Variants in ADARB1 observed in about 807,000 individuals in gnomAD.
ADARB1 encodes the protein adenosine deaminase RNA specific B1.
Under a neutral mutation model 52.4 loss-of-function variants are expected in ADARB1, and 10 were observed. That is an observed-to-expected ratio of 0.19 (90% CI 0.12 to 0.32). The LOEUF is 0.32. ADARB1 is among the 10% of genes least tolerant of loss of function. ADARB1 has a pLI of 1.00. For synonymous variants in ADARB1, 349 were observed against 371.1 expected, an observed-to-expected ratio of 0.94 and a Z score of 0.68; for missense variants, 643 against 922.3, an observed-to-expected ratio of 0.70 and a Z score of 3.92.
intron 2 of ADARB1, among the ~76,000 whole-genome samples, chr21:45,147,348 G>A (rs2090058147): frequency 6.6e-6 from 1 of 152,082 alleles, no homozygotes; most frequent in South Asian, 2.1e-4. Context: ...TTTCCCTTTT[G>A]TGGTTTCTTG....
rs117028495 is a variant in ADARB1, at chr21:45,172,156, C to T, written c.28+472C>T. 7.2e-5 allele frequency among the ~76,000 whole-genome samples: 11 copies of T among 152,248 alleles called. No individual in the cohort carries two copies. The East Asian group carries it at 1.2e-3, about 16-fold the overall frequency. On this transcript the variant is annotated intron_variant, in intron 3 of 10. Transcript: ENST00000348831. The surrounding 1 kb of genome is among the most constrained non-coding windows in gnomAD (Gnocchi z 4.4). ...CACACGTGTCTGTTGATCTAAAGTT[C>T]GCAAAGGTGCTAATGAGAGCTGGGA...
chr21:45,097,219 C>T (rs571074055), intron 1 of ADARB1, among the ~76,000 whole-genome samples: 7 of 152,202 alleles, frequency 4.6e-5, no homozygotes, highest in Admixed American at 3.3e-4. Flanking sequence ...GTGAGATGGT[C>T]ACATACCTTC....
chr21:45,191,868 ATATATATATATATTTTTTT>A (rs1259977311), intron 8 of ADARB1, among the ~76,000 whole-genome samples: 3 of 76,206 alleles, frequency 3.9e-5, no homozygotes, highest in African/African-American at 1.4e-4. Flanking sequence ...ATATATATAT[ATATATATATATATTTTTTT>A]TTTTTTTTTT....
At chr21:45,194,198 C>A (rs1353124103) in intron 8 of ADARB1, among the ~76,000 whole-genome samples, 1 of 152,096 alleles carries the variant, frequency 6.6e-6, no homozygotes, top group Non-Finnish European at 1.5e-5. Context: ...TTCCCATATA[C>A]CCAGTGCCCT....
In ADARB1 at chr21:45,213,047, G is replaced by T. The variant is rs895587248; in HGVS notation, c.1748-7789G>T. Among the ~76,000 whole-genome samples the T allele has an allele frequency of 3.3e-5, 5 of 152,160 alleles. No homozygotes were observed. In the East Asian group the frequency reaches 9.6e-4, roughly 29 times the overall value. ...AAAACCTCTTCCTCATGGAGCTTTT[G>T]CTCTGATGAGGGCAGGGGGATGGTG... On this transcript the variant is annotated intron_variant, in intron 9 of 10. Coordinates refer to ENST00000348831, the MANE Select transcript of ADARB1 (RefSeq NM_001112.4).
intron 2 of ADARB1, among the ~76,000 whole-genome samples, chr21:45,160,963 A>G (rs2090931688): frequency 2.0e-5 from 3 of 152,266 alleles, no homozygotes. Flanking sequence ...GAGAGTATAA[A>G]TAGCCAGGGT....
At chr21:45,201,460 T>C (rs559041661) in intron 8 of ADARB1, among the ~76,000 whole-genome samples, 1 of 152,356 alleles carries the variant, frequency 6.6e-6, no homozygotes, top group South Asian at 2.1e-4. Flanking sequence ...TTAAAGATGC[T>C]GAGTCCATAG....
At chr21:45,085,518 A>G (rs2123653252) in intron 1 of ADARB1, among the ~76,000 whole-genome samples, 1 of 152,286 alleles carries the variant, frequency 6.6e-6, no homozygotes, top group Admixed American at 6.5e-5. Flanking sequence ...TCCATTCTCG[A>G]TATGAATGAA....
rs779992203 is a variant in ADARB1 at position 45,175,786 on chromosome 21, G to A, written c.85G>A (p.Asp29Asn). The A allele has an allele frequency of 6.2e-7, 1 of 1,614,188 alleles. No individual in the cohort carries two copies. Among genetic ancestry groups the A allele is most frequent in the Admixed American group, 1.7e-5 (1 of 60,024 alleles). ...CAATCTGGACAACGTGTCCCCCAAG[G>A]ATGGCAGCACACCTGGGCCTGGCGA... ...NRNLDNVSPK[D>N]GSTPGPGEGS... is the part of the protein sequence containing the mutation. Residue 29 changes from aspartate to asparagine, a missense_variant, in exon 4 of 11, where the codon GAT becomes AAT. Asp to Asn is a conservative substitution (Grantham distance 23). This residue lies in a region of ADARB1 where 380 missense variants were observed against 446.5 expected (regional missense o/e 0.85). Transcript: ENST00000348831.
In ADARB1 at chr21:45,204,304, A is replaced by G. The variant is rs916617974; in HGVS notation, c.1566-251A>G. On this transcript the variant is annotated intron_variant, in intron 8 of 10. Transcript: ENST00000348831. The surrounding 1 kb of genome is among the most constrained non-coding windows in gnomAD (Gnocchi z 4.4). ...CCCACAGATTTCTCACAAGAAACAT[A>G]TGTGGCTCATTGATTGTGGGAAAAC... Among the ~76,000 whole-genome samples the G allele has an allele frequency of 3.3e-5, 5 of 152,226 alleles. No homozygotes were observed. Among genetic ancestry groups the G allele is most frequent in the Non-Finnish European group, 5.9e-5 (4 of 68,042 alleles).
chr21:45,180,304 A>C (rs907433248), intron 4 of ADARB1, 26 bp from the exon 5 acceptor site: 3 of 1,567,958 alleles, frequency 1.9e-6, no homozygotes, highest in African/African-American at 2.7e-5. Flanking sequence ...TCTGGCCCCT[A>C]ACCTGCATCT....
In ADARB1 at chr21:45,220,731, A is replaced by G. The variant is rs1602070608; in HGVS notation, c.1748-105A>G. The G allele has an allele frequency of 4.9e-6, 6 of 1,229,054 alleles. No individual in the cohort carries two copies. The East Asian group carries it at 1.4e-4, about 29-fold the overall frequency. 76.1% of individuals were successfully genotyped at this position (1,229,054 alleles called of 1,614,324 possible). A position where few individuals can be genotyped will look rare whatever the true frequency, so the allele number is the denominator to read the frequency against. On this transcript the variant is annotated intron_variant, in intron 9 of 10. Coordinates refer to ENST00000348831, the MANE Select transcript of ADARB1 (RefSeq NM_001112.4). This position sits in a 1 kb window ranked among gnomAD's most constrained non-coding sequence, Gnocchi z 6.3. ...CCTCGGCAGGCAGAATTCCCCCACC[A>G]CGCACTTCTGTGGCCATGTCTGAGC...
At chr21:45,103,194 G>C (rs943111469) in intron 1 of ADARB1, among the ~76,000 whole-genome samples, 1 of 152,114 alleles carries the variant, frequency 6.6e-6, no homozygotes, top group Non-Finnish European at 1.5e-5. Flanking sequence ...TGAATCTGAC[G>C]AAAGTGTGGA....
Position 45,176,386 on chromosome 21 carries a change from C to T in ADARB1, c.685C>T (p.Pro229Ser). Residue 229 changes from proline to serine, a missense_variant, in exon 4 of 11, where the codon CCA becomes TCA. Around this residue, in one of 2 missense-constraint regions of ADARB1, gnomAD observed 380 missense variants for 446.5 expected, o/e 0.85. Transcript: ENST00000348831. This position sits in a 1 kb window ranked among gnomAD's most constrained non-coding sequence, Gnocchi z 5.8. ...TCCTCTCCCTGTCTTACCACCATTC[C>T]CACCCCCGAGTGGGAAGAATCCCGT... is the stretch of plus-strand genomic sequence containing the variant. ...QPPLPVLPPF[P>S]PPSGKNPVMI... 6.2e-7 allele frequency: 1 copy of T among 1,614,208 alleles called. No homozygotes were observed. Among genetic ancestry groups the T allele is most frequent in the Non-Finnish European group, 8.5e-7 (1 of 1,180,034 alleles).
At chr21:45,162,362 A>C (rs1347059904) in intron 2 of ADARB1, among the ~76,000 whole-genome samples, 4 of 152,080 alleles carry the variant, frequency 2.6e-5, no homozygotes, top group African/African-American at 9.7e-5. Context: ...GCTGTACACA[A>C]TGGCTGGACC....
Position 45,176,172 on chromosome 21 carries a change from G to T in ADARB1, c.471G>T (p.Arg157Ser), listed in dbSNP as rs780664429. 31 of 1,614,074 alleles carry T rather than the reference G, an allele frequency of 1.9e-5. No individual in the cohort carries two copies. The highest frequency in any genetic ancestry group is 8.5e-7 in the Non-Finnish European group (1 of 1,180,062). Residue 157 changes from arginine to serine, a missense_variant, in exon 4 of 11, where the codon AGG (arginine) becomes AGT (serine). By Grantham distance (110) the Arg-to-Ser change is moderately radical. This residue lies in a region of ADARB1 where 380 missense variants were observed against 446.5 expected (regional missense o/e 0.85). Transcript: ENST00000348831. This position sits in a 1 kb window ranked among gnomAD's most constrained non-coding sequence, Gnocchi z 5.8. ...NASEAHLAMGRTLSVNTDFTS... is the reference protein window; with the variant it reads ...NASEAHLAMGSTLSVNTDFTS... ...CTGAGGCCCACCTGGCCATGGGGAG[G>T]ACCCTGTCTGTCAACACGGACTTCA...
intron 1 of ADARB1, among the ~76,000 whole-genome samples, chr21:45,103,426 A>T (rs2087112465): frequency 2.0e-5 from 3 of 151,800 alleles, no homozygotes; most frequent in Non-Finnish European, 4.4e-5. Flanking sequence ...CATCATGTAG[A>T]ATCAGTGGGA....
intron 2 of ADARB1, among the ~76,000 whole-genome samples, chr21:45,154,827 G>A (rs2090472674): frequency 6.6e-6 from 1 of 152,216 alleles, no homozygotes; most frequent in South Asian, 2.1e-4. Flanking sequence ...CGAGACCTGG[G>A]AGAGGTCTGG....
chr21:45,122,272 A>T (rs2088241635), intron 1 of ADARB1, among the ~76,000 whole-genome samples: 1 of 152,234 alleles, frequency 6.6e-6, no homozygotes, highest in East Asian at 1.9e-4. Context: ...CTTTAAAAGG[A>T]AACAGTTGCT....
Sources: allele counts gnomAD v4.1 joint callset (sites outside exome capture counted in the v4.1 genomes callset), GRCh38; gene constraint gnomAD v4.1.1; regional missense constraint gnomAD v4.1.1; non-coding constraint Gnocchi (gnomAD v3.1); transcripts MANE v1.5; gene names NCBI Gene and HGNC (gene_info 2026-07-23, HGNC 2026-07-21).